The following YAF2 variants were observed in gnomAD, a reference collection of about 807,000 sequenced individuals.
The protein encoded by YAF2 is YY1 associated factor 2.
Under a neutral mutation model 20.1 loss-of-function variants are expected in YAF2, and 7 were observed. The ratio of observed to expected loss-of-function variants is 0.35; its 90% CI spans 0.20 to 0.65. The LOEUF (loss-of-function observed/expected upper bound fraction) is 0.65, where lower values mean the gene tolerates loss of function less well. YAF2 is among the 30% of genes least tolerant of loss of function. YAF2 has a pLI of 0.69. For synonymous variants in YAF2, 74 were observed against 76.0 expected (o/e 0.97, Z 0.14); for missense variants, 151 against 219.2 (o/e 0.69, Z 1.96).
At chr12:42,225,646 A>G (rs1281713212) in intron 2 of YAF2, among the ~76,000 whole-genome samples, 1 of 152,138 alleles carries the variant, frequency 6.6e-6, no homozygotes, top group African/African-American at 2.4e-5. Flanking sequence ...TCCTTTCCCC[A>G]GTGTTTGTTT....
At chr12:42,213,911 T>C (rs1404334943) in intron 2 of YAF2, among the ~76,000 whole-genome samples, 2 of 152,132 alleles carry the variant, frequency 1.3e-5, no homozygotes, top group African/African-American at 4.8e-5. Flanking sequence ...GGAATAAATA[T>C]CAGAAAAGGG....
chr12:42,184,482 A>T (rs1328400885), intron 2 of YAF2, among the ~76,000 whole-genome samples: 1 of 151,758 alleles, frequency 6.6e-6, no homozygotes, highest in Middle Eastern at 3.2e-3. Context: ...GCTAATTTTT[A>T]TATTTTTAGT....
intron 2 of YAF2, among the ~76,000 whole-genome samples, chr12:42,205,633 A>G (rs1408197490): frequency 6.6e-6 from 1 of 152,130 alleles, no homozygotes; most frequent in Non-Finnish European, 1.5e-5. Flanking sequence ...TCGGCCTCCC[A>G]AAGTGCTGGG....
chr12:42,237,114 TG>T (rs1675711072), intron 2 of YAF2, among the ~76,000 whole-genome samples: 1 of 152,224 alleles, frequency 6.6e-6, no homozygotes, highest in Non-Finnish European at 1.5e-5. Context: ...AATAAAACCT[TG>T]ATCTGACCCT....
chr12:42,202,772 G>A (rs1196103351), intron 2 of YAF2, among the ~76,000 whole-genome samples: 1 of 152,064 alleles, frequency 6.6e-6, no homozygotes. Context: ...CCAAGTAGCT[G>A]GGATTACAGG....
At chr12:42,171,536 T>G (rs2066048479) in intron 2 of YAF2, among the ~76,000 whole-genome samples, 1 of 151,660 alleles carries the variant, frequency 6.6e-6, no homozygotes, top group Non-Finnish European at 1.5e-5. Context: ...AAGAAAGAAA[T>G]ATGTTACTTG....
At chr12:42,232,223 A>G (rs2068003382) in intron 2 of YAF2, 1 of 159,982 alleles carries the variant, frequency 6.3e-6, no homozygotes. Flanking sequence ...GAAGATAGCA[A>G]TTTGGTGCCA....
chr12:42,216,921 A>C (rs528448441), intron 2 of YAF2, among the ~76,000 whole-genome samples: 46 of 152,186 alleles, frequency 3.0e-4, no homozygotes, highest in South Asian at 1.7e-3. Context: ...CTATGACCCA[A>C]CTTCCTGCCT....
chr12:42,234,214 G>T, intron 2 of YAF2: 5 of 903,606 alleles, frequency 5.5e-6, no homozygotes, highest in Non-Finnish European at 6.3e-6. Context: ...GAAAAGAAAA[G>T]AAAAGAAAAG....
chr12:42,173,688 A>G (rs2066108381), intron 2 of YAF2, among the ~76,000 whole-genome samples: 1 of 152,152 alleles, frequency 6.6e-6, no homozygotes, highest in Non-Finnish European at 1.5e-5. Flanking sequence ...CTCCTTTCCA[A>G]TCCAAGATTA....
chr12:42,177,961 AAT>A (rs1281387115), intron 2 of YAF2, among the ~76,000 whole-genome samples: 1 of 151,958 alleles, frequency 6.6e-6, no homozygotes, highest in African/African-American at 2.4e-5. Flanking sequence ...TATTATTATT[AAT>A]AGTTTATCAT....
intron 2 of YAF2, among the ~76,000 whole-genome samples, chr12:42,230,689 T>C (rs1004406253): frequency 3.3e-5 from 5 of 152,150 alleles, no homozygotes; most frequent in Non-Finnish European, 7.4e-5. Flanking sequence ...GACTACAAAT[T>C]AGAATCAAAG....
rs145860938 is a variant in YAF2, at chr12:42,237,705, G to C, written c.46C>G (p.Pro16Ala). ...SPTRPKRQPK[P>A]SSDEGYWDCS... ...TCCCAGTAACCCTCATCCGAGGACG[G>C]CTTCGGCTGCCGCTTCGGCCTGCAG... is the stretch of plus-strand genomic sequence containing the variant. The change falls in exon 2 of 4, where the codon CCG (proline) becomes GCG (alanine). Residue 16 changes from proline to alanine, a missense_variant. By Grantham distance (27) the Pro-to-Ala change is conservative (BLOSUM62 -1). Around this residue, in one of 3 missense-constraint regions of YAF2, gnomAD observed 50 missense variants for 58.3 expected, o/e 0.86. Transcript: ENST00000534854. 1 of 1,565,438 alleles carries C rather than the reference G, an allele frequency of 6.4e-7. No individual in the cohort carries two copies. The highest frequency in any genetic ancestry group is 1.4e-5 in the African/African-American group (1 of 71,136).
chr12:42,192,216 C>A (rs1414259661), intron 2 of YAF2, among the ~76,000 whole-genome samples: 2 of 151,750 alleles, frequency 1.3e-5, no homozygotes, highest in Non-Finnish European at 2.9e-5. Flanking sequence ...TGTTAAAGAA[C>A]CTAGATTTTG....
intron 2 of YAF2, among the ~76,000 whole-genome samples, chr12:42,180,299 C>T (rs559081329): frequency 6.6e-6 from 1 of 152,310 alleles, no homozygotes; most frequent in African/African-American, 2.4e-5. Flanking sequence ...TTGTGATCTC[C>T]CCTAACAGAG....
chr12:42,234,014 T>C, intron 2 of YAF2: 1 of 738,578 alleles, frequency 1.4e-6, no homozygotes, highest in Non-Finnish European at 1.7e-6. Context: ...CTACTAAAAA[T>C]ACAAAAATTA....
intron 2 of YAF2, among the ~76,000 whole-genome samples, chr12:42,165,061 CAAAA>C (rs78729667): frequency 6.2e-5 from 4 of 64,768 alleles, no homozygotes; most frequent in Non-Finnish European, 9.6e-5. Context: ...TCTTCTGGAA[CAAAA>C]AAAAAAAAAA....
rs1176509852 is a variant in YAF2, at chr12:42,157,420, A to C, written c.*3169T>G. The C allele has an allele frequency of 6.6e-6, 1 of 152,198 alleles. No individual in the cohort carries two copies. Among genetic ancestry groups the C allele is most frequent in the African/African-American group, 2.4e-5 (1 of 41,434 alleles). 9.4% of individuals were successfully genotyped at this position (152,198 alleles called of 1,614,324 possible). On this transcript the variant is annotated 3_prime_UTR_variant, in exon 4 of 4. Transcript: ENST00000534854. ...ACCTACCAACACAATCAAACTGGGG[A>C]CTCAGGCCTCAGCATGAGTTTTGGT...
chr12:42,168,983 C>G (rs1017925030), intron 2 of YAF2, among the ~76,000 whole-genome samples: 3 of 151,604 alleles, frequency 2.0e-5, no homozygotes, highest in Non-Finnish European at 4.4e-5. Flanking sequence ...TAGAAATATA[C>G]TGAAGTCTCT....
Sources: allele counts gnomAD v4.1 joint callset (sites outside exome capture counted in the v4.1 genomes callset), GRCh38; gene constraint gnomAD v4.1.1; regional missense constraint gnomAD v4.1.1; transcripts MANE v1.5; gene names NCBI Gene and HGNC (gene_info 2026-07-23, HGNC 2026-07-21).